SLC44A5: variants seen among roughly 807,000 people sequenced by gnomAD.
The protein encoded by SLC44A5 is solute carrier family 44 member 5.
Under a neutral mutation model 101.8 loss-of-function variants are expected in SLC44A5, and 57 were observed. That is an observed-to-expected ratio of 0.56 (90% CI 0.45 to 0.70). SLC44A5 has a LOEUF of 0.70. SLC44A5 is among the 30% of genes least tolerant of loss of function. The pLI is 0.00. For synonymous variants in SLC44A5, 281 were observed against 290.9 expected, an observed-to-expected ratio of 0.97 and a Z score of 0.35; for missense variants, 737 against 853.1, an observed-to-expected ratio of 0.86 and a Z score of 1.70.
At chr1:75,543,054 G>A (rs1158109836) in intron 1 of SLC44A5, among the ~76,000 whole-genome samples, 5 of 151,972 alleles carry the variant, frequency 3.3e-5, no homozygotes, top group Non-Finnish European at 7.4e-5. Flanking sequence ...AAAAGTCAAA[G>A]GAGGAATTCC....
intron 3 of SLC44A5, among the ~76,000 whole-genome samples, chr1:75,387,299 G>A (rs1187009128): frequency 2.5e-4 from 38 of 149,294 alleles, no homozygotes; most frequent in African/African-American, 7.2e-4. Flanking sequence ...GAAAATTTTC[G>A]CAACCTACTC....
chr1:75,574,131 A>G (rs1213399531), intron 1 of SLC44A5, among the ~76,000 whole-genome samples: 2 of 152,216 alleles, frequency 1.3e-5, no homozygotes, highest in Non-Finnish European at 2.9e-5. Context: ...ACCTGGAAGC[A>G]AATTGTGGAA....
the SLC44A5 span, among the ~76,000 whole-genome samples, chr1:75,698,421 A>G: frequency 6.6e-6 from 1 of 152,158 alleles, no homozygotes; most frequent in Admixed American, 6.5e-5. Flanking sequence ...CAGGTACTCC[A>G]ACAGACCTGC....
At chr1:75,624,127 G>T in the SLC44A5 span, among the ~76,000 whole-genome samples, 13 of 152,206 alleles carry the variant, frequency 8.5e-5, no homozygotes, top group East Asian at 1.3e-3. Flanking sequence ...AGCTTGAAGT[G>T]GTTGTCTACT....
intron 2 of SLC44A5, among the ~76,000 whole-genome samples, chr1:75,487,707 C>G: frequency 6.6e-6 from 1 of 152,092 alleles, no homozygotes; most frequent in East Asian, 1.9e-4. Context: ...TTAGGGGATT[C>G]CATCATTGTG....
Position 75,289,266 on chromosome 1 carries a change from G to T in SLC44A5, c.175+11346C>A, listed in dbSNP as rs1195548289. 1.3e-4 allele frequency among the ~76,000 whole-genome samples: 20 copies of T among 152,316 alleles called. No homozygotes were observed. In the East Asian group the frequency reaches 3.7e-3, roughly 28 times the overall value. The stretch of plus-strand genomic sequence containing the variant: ...GTGTGTCACTGGGTCTAAAATACCT[G>T]TCAGAGAACAAGATAGTTTATGGGG... On this transcript the variant is annotated intron_variant, in intron 5 of 23. Coordinates refer to ENST00000370859, the MANE Select transcript of SLC44A5 (RefSeq NM_001130058.2).
chr1:75,269,260 GAT>G (rs1282493887), intron 6 of SLC44A5, among the ~76,000 whole-genome samples: 2 of 151,730 alleles, frequency 1.3e-5, no homozygotes, highest in Non-Finnish European at 2.9e-5. Context: ...TTTCATATAG[GAT>G]GATCTTTTTT....
the SLC44A5 span, among the ~76,000 whole-genome samples, chr1:75,648,860 C>T: frequency 1.3e-5 from 2 of 151,896 alleles, no homozygotes; most frequent in Non-Finnish European, 2.9e-5. Context: ...ATTAGTAGTG[C>T]CTATGATTTT....
intron 2 of SLC44A5, among the ~76,000 whole-genome samples, chr1:75,428,551 T>C (rs866579638): frequency 6.6e-6 from 1 of 152,194 alleles, no homozygotes; most frequent in Non-Finnish European, 1.5e-5. Context: ...GATGTTCTCA[T>C]TGTGGAAGTT....
At chr1:75,549,227 T>C (rs960732530) in intron 1 of SLC44A5, among the ~76,000 whole-genome samples, 1 of 152,160 alleles carries the variant, frequency 6.6e-6, no homozygotes, top group African/African-American at 2.4e-5. Context: ...TGTTCTCTGT[T>C]CTTGAGTTCC....
rs146291204 is a variant in SLC44A5, at chr1:75,422,069, G to GGT, written c.14-25450_14-25449dup. On this transcript the variant is annotated intron_variant, in intron 2 of 23. Transcript: ENST00000370859. Reference sequence around the variant, plus strand: ...TCAAGAAATACTTGTTAAAACCACTGGTGTGTGTGTGTGTGCACGTGTGCT... The same window carrying GGT: ...TCAAGAAATACTTGTTAAAACCACTGGTGTGTGTGTGTGTGTGCACGTGTGCT... Among the ~76,000 whole-genome samples the GGT allele has an allele frequency of 4.7e-3, 713 of 151,322 alleles. 6 individuals carry two copies. Among genetic ancestry groups the GGT allele is most frequent in the African/African-American group, 0.016 (676 of 41,330 alleles).
chr1:75,374,513 C>T (rs1660439165), intron 3 of SLC44A5, among the ~76,000 whole-genome samples: 1 of 152,264 alleles, frequency 6.6e-6, no homozygotes, highest in Admixed American at 6.5e-5. Flanking sequence ...GCAGGGTACT[C>T]CACTAAGGCC....
At chr1:75,215,480 A>C (rs1021924992) in intron 19 of SLC44A5, among the ~76,000 whole-genome samples, 1 of 152,080 alleles carries the variant, frequency 6.6e-6, no homozygotes, top group Non-Finnish European at 1.5e-5. Flanking sequence ...AGACACACAA[A>C]ACCATTTTTT....
At chr1:75,277,463 G>A (rs1652018881) in intron 5 of SLC44A5, among the ~76,000 whole-genome samples, 1 of 152,178 alleles carries the variant, frequency 6.6e-6, no homozygotes, top group Non-Finnish European at 1.5e-5. Flanking sequence ...GAACTCAGGT[G>A]TGTTGCTTGC....
At chr1:75,510,770 T>C (rs1339542176) in intron 2 of SLC44A5, among the ~76,000 whole-genome samples, 2 of 152,190 alleles carry the variant, frequency 1.3e-5, no homozygotes, top group Non-Finnish European at 2.9e-5. Flanking sequence ...AGTCCCTGTT[T>C]GAGAAGTTAG....
At chr1:75,490,287 C>T (rs1385099532) in intron 2 of SLC44A5, among the ~76,000 whole-genome samples, 2 of 152,076 alleles carry the variant, frequency 1.3e-5, no homozygotes, top group Non-Finnish European at 2.9e-5. Flanking sequence ...CAGAATGCTA[C>T]ATTTAACCAC....
intron 3 of SLC44A5, among the ~76,000 whole-genome samples, chr1:75,385,345 A>G (rs1661239666): frequency 6.7e-6 from 1 of 149,716 alleles, no homozygotes; most frequent in Non-Finnish European, 1.5e-5. Flanking sequence ...AGAAGAATCA[A>G]ATAGACACAA....
At chr1:75,637,580 A>T in the SLC44A5 span, among the ~76,000 whole-genome samples, 1 of 151,976 alleles carries the variant, frequency 6.6e-6, no homozygotes, top group African/African-American at 2.4e-5. Flanking sequence ...AAATAATGGT[A>T]TGGTTGTACA....
At chr1:75,300,392 T>C (rs1295015285) in intron 5 of SLC44A5, among the ~76,000 whole-genome samples, 1 of 152,212 alleles carries the variant, frequency 6.6e-6, no homozygotes, top group African/African-American at 2.4e-5. Context: ...TAATTGTATT[T>C]ACTTAAGTAA....
Sources: gnomAD v4.1 joint callset for allele counts (sites outside exome capture counted in the v4.1 genomes callset) on GRCh38, gnomAD v4.1.1 for gene constraint, MANE v1.5 for transcripts, NCBI Gene and HGNC (gene_info 2026-07-23, HGNC 2026-07-21) for gene names.